The following ABCC9 variants were observed in gnomAD, a reference collection of about 807,000 sequenced individuals.
The protein encoded by ABCC9 is ATP-binding cassette sub-family C member 9.
ABCC9 carries 95 observed loss-of-function variants against 188.3 expected under a neutral mutation model. That is an observed-to-expected ratio of 0.50 (90% CI 0.43 to 0.60). The LOEUF (loss-of-function observed/expected upper bound fraction) is 0.60. Ranked by LOEUF, ABCC9 falls within the 20% of genes least tolerant of loss-of-function variation. The pLI is 0.00. For synonymous variants in ABCC9, 659 were observed against 652.7 expected, an observed-to-expected ratio of 1.01 and a Z score of -0.15; for missense variants, 1,102 against 1,876.3, an observed-to-expected ratio of 0.59 and a Z score of 7.62.
chr12:21,845,849 T>C lies in ABCC9; in HGVS notation c.2867-17A>G, dbSNP rs1944635407. 4.4e-6 allele frequency: 7 copies of C among 1,605,728 alleles called. No individual in the cohort carries two copies. The highest frequency in any genetic ancestry group is 6.0e-6 in the Non-Finnish European group (7 of 1,175,460). The stretch of plus-strand genomic sequence containing the variant: ...CTTCTTCCTCTACATACAAAAAACT[T>C]TTGTTTAAGCTTCAGATGGGCACCG... On this transcript the variant is annotated splice_polypyrimidine_tract_variant and intron_variant, in intron 25 of 39. Transcript: ENST00000261200.
chr12:21,911,047 T>G (rs1948301846), intron 8 of ABCC9, 69 bp from the exon 9 acceptor site: 1 of 1,450,876 alleles, frequency 6.9e-7, no homozygotes. Context: ...ACAGTTTGCA[T>G]TTATTAAAAG....
chr12:21,828,420 T>C (rs1019659122), intron 31 of ABCC9: 2 of 188,154 alleles, frequency 1.1e-5, no homozygotes, highest in African/African-American at 2.4e-5. Context: ...ATTCTTATTT[T>C]ACAGATGAGG....
intron 39 of ABCC9, among the ~76,000 whole-genome samples, chr12:21,801,394 A>G (rs967213970): frequency 2.6e-5 from 4 of 152,138 alleles, no homozygotes; most frequent in African/African-American, 9.7e-5. Context: ...TGGGTTTTCT[A>G]TGGGCTGTAC....
At chr12:21,922,067 A>G (rs1478187634) in intron 5 of ABCC9, among the ~76,000 whole-genome samples, 1 of 151,984 alleles carries the variant, frequency 6.6e-6, no homozygotes, top group Admixed American at 6.6e-5. Context: ...ATGGCTGCCT[A>G]TAAATTTTAG....
chr12:21,831,442 C>T (rs1006432818), intron 30 of ABCC9, among the ~76,000 whole-genome samples: 4 of 152,052 alleles, frequency 2.6e-5, no homozygotes, highest in African/African-American at 7.2e-5. Flanking sequence ...ATGACCTACT[C>T]CCTTGAAGGG....
At chr12:21,861,230 C>CATTTT (rs1350257236) in intron 20 of ABCC9, among the ~76,000 whole-genome samples, 175 bp from the exon 21 acceptor site, 3 of 146,670 alleles carry the variant, frequency 2.0e-5, no homozygotes, top group African/African-American at 2.5e-5. Flanking sequence ...ACTTCCCCCC[C>CATTTT]CTTTTTTTTT....
chr12:21,903,493 C>T (rs557782484), intron 12 of ABCC9, among the ~76,000 whole-genome samples: 9 of 152,082 alleles, frequency 5.9e-5, no homozygotes, highest in Non-Finnish European at 1.2e-4. Context: ...TCAAATTATC[C>T]CTGTTTGCAG....
At chr12:21,841,104 A>C (rs142512040) in intron 29 of ABCC9, among the ~76,000 whole-genome samples, 391 of 152,316 alleles carry the variant, frequency 2.6e-3, no homozygotes, top group African/African-American at 8.9e-3. Flanking sequence ...TTCACCTGTC[A>C]TGTGGCTTAA....
intron 5 of ABCC9, among the ~76,000 whole-genome samples, chr12:21,919,857 AG>A (rs1322994261): frequency 6.6e-6 from 1 of 152,084 alleles, no homozygotes; most frequent in Non-Finnish European, 1.5e-5. Flanking sequence ...AGATGTAAAA[AG>A]CCTTAACAAA....
At chr12:21,818,800 T>A (rs1942848541) in intron 31 of ABCC9, among the ~76,000 whole-genome samples, 1 of 151,920 alleles carries the variant, frequency 6.6e-6, no homozygotes, top group Admixed American at 6.6e-5. Flanking sequence ...TGCAGAAATT[T>A]GTCTGTGGTT....
At position 21,905,351 on chromosome 12, in the gene ABCC9, C is replaced by CATAT. The variant is rs200048509; in HGVS notation, c.1618+771_1618+774dup. ...ATGGGTGCAGCACACCAACATGACACATATATATATATGTAACAAACCTGC... is the reference window on the plus strand; with the variant it reads ...ATGGGTGCAGCACACCAACATGACACATATATATATATATATGTAACAAACCTGC... On this transcript the variant is annotated intron_variant, in intron 12 of 39. Coordinates refer to ENST00000261200, the MANE Select transcript of ABCC9 (RefSeq NM_020297.4). Among the ~76,000 whole-genome samples the CATAT allele has an allele frequency of 2.1e-3, 319 of 151,010 alleles. 3 individuals are homozygous for CATAT. The East Asian group carries it at 0.059, about 28-fold the overall frequency.
intron 15 of ABCC9, among the ~76,000 whole-genome samples, chr12:21,884,847 CA>C (rs1319770879): frequency 1.3e-5 from 2 of 152,142 alleles, no homozygotes; most frequent in Non-Finnish European, 2.9e-5. Flanking sequence ...ACAGCCCTCA[CA>C]AATACTCCTG....
At chr12:21,907,256 A>G (rs1190637833) in intron 11 of ABCC9, among the ~76,000 whole-genome samples, 1 of 152,040 alleles carries the variant, frequency 6.6e-6, no homozygotes, top group African/African-American at 2.4e-5. Context: ...TAAAAAGGAT[A>G]GCTGGCTCAG....
At chr12:21,916,627 C>T (rs908961861) in intron 6 of ABCC9, among the ~76,000 whole-genome samples, 2 of 152,118 alleles carry the variant, frequency 1.3e-5, no homozygotes, top group Non-Finnish European at 2.9e-5. Context: ...TGCTTTGAGA[C>T]CAATCATGGA....
At chr12:21,821,641 A>G (rs1052878967) in intron 31 of ABCC9, among the ~76,000 whole-genome samples, 3 of 152,164 alleles carry the variant, frequency 2.0e-5, no homozygotes, top group African/African-American at 7.2e-5. Context: ...ATTTCTCGCT[A>G]TTGAGTTTAG....
chr12:21,925,912 A>G (rs759478144), intron 5 of ABCC9, 30 bp downstream of exon 5: 1 of 1,598,258 alleles, frequency 6.3e-7, no homozygotes, highest in Non-Finnish European at 8.6e-7. Context: ...TATCTCTTTA[A>G]GGAGAAACAA....
chr12:21,825,326 A>G (rs1591992810), intron 31 of ABCC9, among the ~76,000 whole-genome samples: 2 of 152,340 alleles, frequency 1.3e-5, no homozygotes, highest in African/African-American at 4.8e-5. Flanking sequence ...TCATTCTACT[A>G]TAACGATACA....
chr12:21,881,866 A>G (rs1222557933), intron 16 of ABCC9, among the ~76,000 whole-genome samples: 1 of 152,222 alleles, frequency 6.6e-6, no homozygotes, highest in Admixed American at 6.5e-5. Context: ...GTCCACCTCA[A>G]GATGGGCAAA....
At chr12:21,845,291 T>A (rs552196479) in intron 26 of ABCC9, among the ~76,000 whole-genome samples, 1 of 152,106 alleles carries the variant, frequency 6.6e-6, no homozygotes, top group East Asian at 1.9e-4. Flanking sequence ...TAAGAACAAA[T>A]ACAAAAAGGT....
Sources: gnomAD v4.1 joint callset for allele counts (sites outside exome capture counted in the v4.1 genomes callset) on GRCh38, gnomAD v4.1.1 for gene constraint, MANE v1.5 for transcripts, NCBI Gene and HGNC (gene_info 2026-07-23, HGNC 2026-07-21) for gene names.